NUP43: variants seen among roughly 807,000 people sequenced by gnomAD.
NUP43 encodes the protein nucleoporin 43.
In NUP43, 32 loss-of-function variants were observed where a neutral mutation model predicts 47.3. The ratio of observed to expected loss-of-function variants is 0.68; its 90% CI spans 0.51 to 0.91. NUP43 has a LOEUF of 0.91. NUP43 is among the 40% of genes least tolerant of loss of function. The pLI, the probability that NUP43 is intolerant of heterozygous loss-of-function variation, is 0.00. For missense variants in NUP43, 444 were observed against 453.9 expected (o/e 0.98, Z 0.20); for synonymous variants, 147 against 158.4 (o/e 0.93, Z 0.54).
At chr6:149,742,646 T>A in intron 3 of NUP43, 76 bp from the exon 4 acceptor site, 2 of 1,119,354 alleles carry the variant, frequency 1.8e-6, no homozygotes, top group Non-Finnish European at 2.6e-6. Flanking sequence ...AGAGTATCTT[T>A]AAATTCTGAC....
chr6:149,741,853 G>A (rs1187156179), intron 4 of NUP43, among the ~76,000 whole-genome samples: 1 of 151,866 alleles, frequency 6.6e-6, no homozygotes, highest in African/African-American at 2.4e-5. Flanking sequence ...ATGGATGAAA[G>A]GAGTACAATG....
At chr6:149,735,788 A>G (rs1195965810) in intron 6 of NUP43, among the ~76,000 whole-genome samples, 3 of 149,904 alleles carry the variant, frequency 2.0e-5, no homozygotes, top group South Asian at 2.1e-4. Flanking sequence ...GTGAAACCCC[A>G]TATCTACAAA....
At chr6:149,734,393 G>A (rs1785215454) in intron 6 of NUP43, among the ~76,000 whole-genome samples, 2 of 151,822 alleles carry the variant, frequency 1.3e-5, no homozygotes, top group South Asian at 4.2e-4. Context: ...TCAGCTACTC[G>A]GGAGGCTGAG....
chr6:149,743,567 T>G (rs2115153378), intron 3 of NUP43, 71 bp downstream of exon 3: 1 of 937,546 alleles, frequency 1.1e-6, no homozygotes, highest in East Asian at 2.4e-5. Context: ...TGCACTCCAG[T>G]GCGCGGGCAA....
intron 7 of NUP43, chr6:149,727,677 T>C: frequency 1.2e-6 from 1 of 854,024 alleles, no homozygotes; most frequent in Non-Finnish European, 1.4e-6. Flanking sequence ...TTTGTTACTA[T>C]ATTTCTTAAA....
chr6:149,729,732 TTATC>T (rs1446393706), intron 7 of NUP43, among the ~76,000 whole-genome samples: 1 of 152,132 alleles, frequency 6.6e-6, no homozygotes, highest in Non-Finnish European at 1.5e-5. Flanking sequence ...TACTGATACA[TTATC>T]TATTTTTTTA....
Position 149,745,955 on chromosome 6 carries a change from A to G in NUP43, c.228T>C (p.Asp76=). 5 of 1,611,738 alleles carry G rather than the reference A, an allele frequency of 3.1e-6. No homozygotes were observed. The highest frequency in any genetic ancestry group is 4.2e-6 in the Non-Finnish European group (5 of 1,179,322). ...QLLCDIRHHG[D]VMDLQFFDQE... ...ACAGATTTACCTGTAAATCCATTAC[A>G]TCACCATGGTGTCTGATATCACACA... The change falls in exon 2 of 8, where the codon GAT becomes GAC. Residue 76 remains aspartate, a synonymous_variant. Coordinates refer to ENST00000340413, the MANE Select transcript of NUP43 (RefSeq NM_198887.3).
At chr6:149,745,863 C>CT in intron 2 of NUP43, 77 bp downstream of exon 2, 1 of 1,370,580 alleles carries the variant, frequency 7.3e-7, no homozygotes, top group Non-Finnish European at 9.8e-7. Context: ...CACCAGACAA[C>CT]TTTTATGATG....
At chr6:149,744,988 G>T (rs1349544598) in intron 2 of NUP43, among the ~76,000 whole-genome samples, 1 of 149,992 alleles carries the variant, frequency 6.7e-6, no homozygotes, top group Admixed American at 6.6e-5. Flanking sequence ...TGCAACCTCT[G>T]CGCCCGGGTT....
upstream of NUP43, among the ~76,000 whole-genome samples, chr6:149,747,901 G>C (rs1786096264): frequency 1.3e-5 from 2 of 152,194 alleles, no homozygotes; most frequent in South Asian, 4.1e-4. Flanking sequence ...TCAAGGATTT[G>C]ACTTTTTTCT....
At chr6:149,735,922 G>A (rs1338836737) in intron 6 of NUP43, among the ~76,000 whole-genome samples, 4 of 149,286 alleles carry the variant, frequency 2.7e-5, no homozygotes, top group African/African-American at 7.4e-5. Flanking sequence ...GTAGTGAGCC[G>A]TGACTGCACC....
intron 7 of NUP43, among the ~76,000 whole-genome samples, chr6:149,728,827 T>C (rs1784903945): frequency 6.6e-6 from 1 of 152,200 alleles, no homozygotes; most frequent in Non-Finnish European, 1.5e-5. Flanking sequence ...ATGTCACTTA[T>C]GCCTTCACTT....
chr6:149,745,262 T>C (rs759768290), intron 2 of NUP43, among the ~76,000 whole-genome samples: 6 of 151,328 alleles, frequency 4.0e-5, no homozygotes, highest in Non-Finnish European at 8.8e-5. Flanking sequence ...TAGCCGGGTA[T>C]GGTGGCCTGC....
At chr6:149,741,584 C>T (rs1364767972) in intron 4 of NUP43, among the ~76,000 whole-genome samples, 1 of 151,940 alleles carries the variant, frequency 6.6e-6, no homozygotes, top group Non-Finnish European at 1.5e-5. Flanking sequence ...TGGCTCACTG[C>T]AACCTCTGCC....
chr6:149,734,618 T>C (rs1043622657), intron 6 of NUP43, among the ~76,000 whole-genome samples: 11 of 151,680 alleles, frequency 7.3e-5, no homozygotes, highest in Non-Finnish European at 8.8e-5. Context: ...GCCAACATGG[T>C]GAAACCCCAT....
intron 5 of NUP43, 106 bp from the exon 6 acceptor site, chr6:149,736,728 A>C: frequency 1.0e-6 from 1 of 968,454 alleles, no homozygotes. Context: ...GGCCTCACTT[A>C]CCCAGGCTGG....
upstream of NUP43, among the ~76,000 whole-genome samples, chr6:149,748,808 CAAAAAAAAAAAA>C (rs1161065299): frequency 3.9e-4 from 34 of 87,352 alleles, no homozygotes; most frequent in East Asian, 3.3e-3. Context: ...GACTCCGTCT[CAAAAAAAAAAAA>C]AAAAAAAAAA....
At chr6:149,744,885 TTTTATTTATTTA>T (rs756078071) in intron 2 of NUP43, among the ~76,000 whole-genome samples, 21 of 150,866 alleles carry the variant, frequency 1.4e-4, no homozygotes, top group African/African-American at 3.6e-4. Context: ...TTCTTTTTTA[TTTTATTTATTTA>T]TTTATTTATT....
In NUP43 at chr6:149,737,588, T is replaced by TAAGTGTC. The variant is rs201106497; in HGVS notation, c.639-973_639-967dup. Among the ~76,000 whole-genome samples, 796 of 152,298 alleles carry TAAGTGTC rather than the reference T, an allele frequency of 5.2e-3. 7 individuals carry two copies. The highest frequency in any genetic ancestry group is 0.018 in the African/African-American group (769 of 41,572). Reference sequence around the variant, plus strand: ...CAAGAAACATGTTTTATATGGTAACTAAGTGTCAACTTAGTGGCTGGAGCT... The same window carrying TAAGTGTC: ...CAAGAAACATGTTTTATATGGTAACTAAGTGTCAAGTGTCAACTTAGTGGCTGGAGCT... On this transcript the variant is annotated intron_variant, in intron 5 of 7. Coordinates refer to ENST00000340413, the MANE Select transcript of NUP43 (RefSeq NM_198887.3).
Sources: allele counts gnomAD v4.1 joint callset (sites outside exome capture counted in the v4.1 genomes callset), GRCh38; gene constraint gnomAD v4.1.1; transcripts MANE v1.5; gene names NCBI Gene and HGNC (gene_info 2026-07-23, HGNC 2026-07-21).